Variants in SFT2D1 observed in about 807,000 individuals in gnomAD.
SFT2D1 encodes vesicle transport protein SFT2A.
SFT2D1 carries 24 observed loss-of-function variants against 28.1 expected under a neutral mutation model. That is an observed-to-expected ratio of 0.85 (90% CI 0.62 to 1.20). The LOEUF (loss-of-function observed/expected upper bound fraction) is 1.20, where lower values mean the gene tolerates loss of function less well. SFT2D1 is among the 50% of genes most tolerant of loss of function. The pLI is 0.00. For synonymous variants in SFT2D1, 82 were observed against 73.7 expected, an observed-to-expected ratio of 1.11 and a Z score of -0.58; for missense variants, 181 against 190.9, an observed-to-expected ratio of 0.95 and a Z score of 0.31.
chr6:166,332,445 G>A (rs954411096), intron 1 of SFT2D1, among the ~76,000 whole-genome samples: 1 of 152,128 alleles, frequency 6.6e-6, no homozygotes, highest in Non-Finnish European at 1.5e-5. Flanking sequence ...TAGTAGAAAC[G>A]GGGTTTCACT....
chr6:166,330,032 T>C, intron 2 of SFT2D1, 129 bp downstream of exon 2: 1 of 632,200 alleles, frequency 1.6e-6, no homozygotes, highest in Non-Finnish European at 2.5e-6. Context: ...TTTATTTTAG[T>C]TTAATAAATA....
chr6:166,337,712 C>T (rs1778684307), intron 1 of SFT2D1, among the ~76,000 whole-genome samples: 1 of 152,148 alleles, frequency 6.6e-6, no homozygotes, highest in Admixed American at 6.5e-5. Context: ...CTCTTATTAC[C>T]ATCTTCCACG....
At chr6:166,322,433 T>G (rs1441192533) in intron 7 of SFT2D1, among the ~76,000 whole-genome samples, 2 of 152,114 alleles carry the variant, frequency 1.3e-5, no homozygotes, top group African/African-American at 4.8e-5. Context: ...GGCTCACGGT[T>G]GTAATCCCAG....
rs1778618469 is a variant in SFT2D1, at chr6:166,334,965, C to T, written c.64-4718G>A. 1.5e-4 allele frequency: 72 copies of T among 469,664 alleles called. 1 individual carries two copies. The highest frequency in any genetic ancestry group is 1.2e-3 in the South Asian group (69 of 57,086). The allele number at this position is 469,664 out of a possible 1,614,324, so 29.1% of individuals were successfully genotyped here. Reference sequence around the variant, plus strand: ...AGAGATCTTGAACAGTATGGAAAAACTGAAGTGACTGAAATCATGACTGAC... The same window carrying T: ...AGAGATCTTGAACAGTATGGAAAAATTGAAGTGACTGAAATCATGACTGAC... On this transcript the variant is annotated intron_variant, in intron 1 of 7. Transcript: ENST00000361731.
intron 5 of SFT2D1, 47 bp downstream of exon 5, chr6:166,326,084 TG>T (rs763470504): frequency 9.9e-5 from 153 of 1,546,292 alleles, no homozygotes; most frequent in Non-Finnish European, 1.3e-4. Flanking sequence ...TCAGCTGGGG[TG>T]GGGGGCACAC....
At chr6:166,326,274 C>G in intron 4 of SFT2D1, 107 bp from the exon 5 acceptor site, 1 of 901,056 alleles carries the variant, frequency 1.1e-6, no homozygotes. Flanking sequence ...TACTATAGAA[C>G]AAAAATAAGA....
At chr6:166,341,171 C>T (rs1438921732) in intron 1 of SFT2D1, among the ~76,000 whole-genome samples, 6 of 151,900 alleles carry the variant, frequency 3.9e-5, no homozygotes, top group East Asian at 1.9e-4. Flanking sequence ...TTGCTCCAGG[C>T]GCAGTGGCTC....
At chr6:166,339,036 T>C (rs1274750477) in intron 1 of SFT2D1, among the ~76,000 whole-genome samples, 1 of 152,088 alleles carries the variant, frequency 6.6e-6, no homozygotes, top group Non-Finnish European at 1.5e-5. Context: ...GCCATCCTGG[T>C]TACGTCTTGC....
At chr6:166,328,494 T>A in intron 3 of SFT2D1, 137 bp from the exon 4 acceptor site, 1 of 484,972 alleles carries the variant, frequency 2.1e-6, no homozygotes, top group Non-Finnish European at 3.6e-6. Context: ...TTTTTTTCCT[T>A]AACTTTATAA....
chr6:166,334,653 AG>A, intron 1 of SFT2D1: 1 of 218,650 alleles, frequency 4.6e-6, no homozygotes, highest in African/African-American at 2.3e-5. Context: ...TGGAGGGCTG[AG>A]CTTTGAAACA....
At chr6:166,325,741 G>C (rs919788841) in intron 5 of SFT2D1, 2 of 186,428 alleles carry the variant, frequency 1.1e-5, no homozygotes, top group Admixed American at 1.2e-4. Flanking sequence ...GGGCACACAT[G>C]TGTGTTTATT....
chr6:166,336,050 G>A (rs1778644107), intron 1 of SFT2D1, among the ~76,000 whole-genome samples: 1 of 152,200 alleles, frequency 6.6e-6, no homozygotes, highest in African/African-American at 2.4e-5. Context: ...GCTGTTGATT[G>A]CTAAATGTAA....
intron 3 of SFT2D1, 137 bp downstream of exon 3, chr6:166,329,370 T>TA: frequency 3.0e-6 from 2 of 669,096 alleles, no homozygotes; most frequent in Non-Finnish European, 5.1e-6. Flanking sequence ...AATACATATT[T>TA]ATTTAATGAA....
chr6:166,340,483 C>A (rs1457250989), intron 1 of SFT2D1, among the ~76,000 whole-genome samples: 2 of 152,228 alleles, frequency 1.3e-5, no homozygotes, highest in African/African-American at 4.8e-5. Flanking sequence ...CTCTGCCCCG[C>A]TGCTAGAGCC....
At chr6:166,329,063 G>A (rs1778502898) in intron 3 of SFT2D1, among the ~76,000 whole-genome samples, 1 of 152,160 alleles carries the variant, frequency 6.6e-6, no homozygotes, top group African/African-American at 2.4e-5. Flanking sequence ...CTCCAAGCCT[G>A]GGCTCCGGAT....
intron 1 of SFT2D1, among the ~76,000 whole-genome samples, chr6:166,342,202 G>GC (rs536180982): frequency 2.2e-4 from 33 of 151,994 alleles, no homozygotes; most frequent in Middle Eastern, 6.8e-3. Flanking sequence ...GGGAGAGTCG[G>GC]GGGGGGGCCT....
intron 1 of SFT2D1, among the ~76,000 whole-genome samples, chr6:166,334,378 T>G (rs1055331422): frequency 3.9e-5 from 6 of 152,366 alleles, no homozygotes; most frequent in Non-Finnish European, 7.3e-5. Flanking sequence ...GCGGATTGCT[T>G]GAACCCAGTT....
chr6:166,327,547 C>T (rs1249961807), intron 4 of SFT2D1, among the ~76,000 whole-genome samples: 1 of 152,052 alleles, frequency 6.6e-6, no homozygotes, highest in African/African-American at 2.4e-5. Flanking sequence ...AGAGAAGGGA[C>T]AAAAGTCAGA....
At chr6:166,321,479 T>C (rs1332463170) in intron 7 of SFT2D1, among the ~76,000 whole-genome samples, 3 of 152,176 alleles carry the variant, frequency 2.0e-5, no homozygotes, top group African/African-American at 4.8e-5. Context: ...TTCCTATGCA[T>C]GGTAAATTAC....
Sources: gnomAD v4.1 joint callset for allele counts (sites outside exome capture counted in the v4.1 genomes callset) on GRCh38, gnomAD v4.1.1 for gene constraint, MANE v1.5 for transcripts, NCBI Gene and HGNC (gene_info 2026-07-23, HGNC 2026-07-21) for gene names.